ITGA9: variants seen among roughly 807,000 people sequenced by gnomAD.
ITGA9 encodes the protein integrin subunit alpha 9.
ITGA9 carries 56 observed loss-of-function variants against 127.8 expected under a neutral mutation model. The observed-to-expected ratio is 0.44, with a 90% CI of 0.35 to 0.55. The LOEUF is 0.55. Among genes scored for constraint, ITGA9 ranks in the 20% least tolerant of loss-of-function variants. The pLI, the probability that ITGA9 is intolerant of heterozygous loss-of-function variation, is 0.00. For synonymous variants in ITGA9, 508 were observed against 514.5 expected, an observed-to-expected ratio of 0.99 and a Z score of 0.17; for missense variants, 1,196 against 1,347.1, an observed-to-expected ratio of 0.89 and a Z score of 1.76.
intron 16 of ITGA9, among the ~76,000 whole-genome samples, chr3:37,637,646 GC>G (rs1700293226): frequency 6.6e-6 from 1 of 151,150 alleles, no homozygotes. Context: ...GATGGGGTGG[GC>G]CCCAGCAAAC....
intron 15 of ITGA9, among the ~76,000 whole-genome samples, chr3:37,606,561 C>T (rs1699970524): frequency 6.6e-6 from 1 of 152,220 alleles, no homozygotes; most frequent in Non-Finnish European, 1.5e-5. Flanking sequence ...CATGAGCTCA[C>T]AGACTCCCCT....
rs1409286335 is a variant in ITGA9 at position 37,821,360 on chromosome 3, G to GT, written c.*2372dup. ...AGGCCCCTGCTGTGTGTCAGGCACT[G>GT]TGCAAGGTGCTGGAGGTTCCCCAGA... On this transcript the variant is annotated 3_prime_UTR_variant, in exon 28 of 28. Coordinates refer to ENST00000264741, the MANE Select transcript of ITGA9 (RefSeq NM_002207.3). 1 of 152,192 alleles carries GT rather than the reference G, an allele frequency of 6.6e-6. No homozygotes were observed. The highest frequency in any genetic ancestry group is 1.5e-5 in the Non-Finnish European group (1 of 68,050). 9.4% of individuals were successfully genotyped at this position (152,192 alleles called of 1,614,324 possible).
chr3:37,566,263 G>A (rs1026743113), intron 15 of ITGA9, among the ~76,000 whole-genome samples: 5 of 152,186 alleles, frequency 3.3e-5, no homozygotes, highest in African/African-American at 1.2e-4. Context: ...AACTGAGACA[G>A]CTAGTAAGGG....
intron 1 of ITGA9, among the ~76,000 whole-genome samples, chr3:37,463,056 GT>G (rs140686235): frequency 0.011 from 1,705 of 152,272 alleles, 30 homozygotes; most frequent in African/African-American, 0.038. Flanking sequence ...TGTGGTCCTG[GT>G]TGGTGATGAG....
intron 8 of ITGA9, among the ~76,000 whole-genome samples, chr3:37,510,583 C>T (rs893103955): frequency 1.3e-5 from 2 of 152,110 alleles, no homozygotes; most frequent in African/African-American, 4.8e-5. Flanking sequence ...TGAGATTAAC[C>T]TTTGAGAACC....
intron 15 of ITGA9, among the ~76,000 whole-genome samples, chr3:37,615,019 G>C (rs932724400): frequency 1.3e-5 from 2 of 152,048 alleles, no homozygotes; most frequent in African/African-American, 4.8e-5. Flanking sequence ...AGGAGTGGTG[G>C]GAGAGGGCAT....
intron 16 of ITGA9, among the ~76,000 whole-genome samples, chr3:37,644,436 G>A (rs1394538086): frequency 1.3e-5 from 2 of 152,196 alleles, no homozygotes; most frequent in African/African-American, 4.8e-5. Flanking sequence ...GGAGGGGTGG[G>A]GAAGTTGGAG....
intron 1 of ITGA9, among the ~76,000 whole-genome samples, chr3:37,469,774 A>G (rs1311099553): frequency 6.6e-6 from 1 of 151,816 alleles, no homozygotes; most frequent in Non-Finnish European, 1.5e-5. Flanking sequence ...ATTTGTTTTC[A>G]TTGCTGCATA....
intron 16 of ITGA9, among the ~76,000 whole-genome samples, chr3:37,633,000 A>G (rs1005636329): frequency 2.6e-5 from 4 of 152,218 alleles, no homozygotes; most frequent in African/African-American, 7.2e-5. Flanking sequence ...AACAAAAATG[A>G]CAACCAGAAG....
chr3:37,482,402 T>C (rs1698566816), intron 4 of ITGA9, among the ~76,000 whole-genome samples: 1 of 152,234 alleles, frequency 6.6e-6, no homozygotes, highest in African/African-American at 2.4e-5. Flanking sequence ...CCCAGTCGAA[T>C]CTGAGCTTTA....
intron 25 of ITGA9, among the ~76,000 whole-genome samples, chr3:37,784,394 C>A (rs935628690): frequency 6.6e-6 from 1 of 152,152 alleles, no homozygotes; most frequent in African/African-American, 2.4e-5. Context: ...TCCCTTATAC[C>A]CCTGCCCCTT....
intron 12 of ITGA9, among the ~76,000 whole-genome samples, chr3:37,525,100 A>G (rs1480994511): frequency 6.6e-6 from 1 of 152,178 alleles, no homozygotes; most frequent in Non-Finnish European, 1.5e-5. Context: ...GGTTCTGTGA[A>G]GTAGTAGTGG....
chr3:37,609,711 C>T (rs1157179100), intron 15 of ITGA9, among the ~76,000 whole-genome samples: 1 of 152,192 alleles, frequency 6.6e-6, no homozygotes, highest in African/African-American at 2.4e-5. Context: ...CTGGTCTCTG[C>T]TCCATGATGC....
At chr3:37,769,628 C>G (rs1363927505) in intron 23 of ITGA9, among the ~76,000 whole-genome samples, 1 of 152,210 alleles carries the variant, frequency 6.6e-6, no homozygotes, top group Non-Finnish European at 1.5e-5. Flanking sequence ...CTCCTTGGCT[C>G]TCTAGACTCC....
chr3:37,529,393 C>A (rs773860462), intron 13 of ITGA9, among the ~76,000 whole-genome samples: 3 of 151,930 alleles, frequency 2.0e-5, no homozygotes, highest in Non-Finnish European at 4.4e-5. Flanking sequence ...TTGGAGGTGG[C>A]AGGGGGAGGT....
At chr3:37,527,576 T>G (rs1165734284) in intron 13 of ITGA9, among the ~76,000 whole-genome samples, 1 of 152,200 alleles carries the variant, frequency 6.6e-6, no homozygotes, top group Non-Finnish European at 1.5e-5. Flanking sequence ...GATTTTCACT[T>G]TCTTTATCAG....
intron 16 of ITGA9, among the ~76,000 whole-genome samples, chr3:37,648,200 G>A (rs1045519078): frequency 5.3e-4 from 81 of 151,994 alleles, no homozygotes; most frequent in African/African-American, 1.7e-3. Flanking sequence ...ATCTCTTGTC[G>A]TTTTTATAGT....
chr3:37,673,490 C>A (rs902007074), intron 17 of ITGA9, among the ~76,000 whole-genome samples: 1 of 152,178 alleles, frequency 6.6e-6, no homozygotes, highest in Non-Finnish European at 1.5e-5. Flanking sequence ...TAAGCAGCAT[C>A]TCTGGCAGTA....
At chr3:37,677,040 G>GTGA (rs1700688731) in intron 17 of ITGA9, among the ~76,000 whole-genome samples, 1 of 152,186 alleles carries the variant, frequency 6.6e-6, no homozygotes, top group African/African-American at 2.4e-5. Context: ...TCAGTCAACA[G>GTGA]TGATATCTTT....
Sources: allele counts gnomAD v4.1 joint callset (sites outside exome capture counted in the v4.1 genomes callset), GRCh38; gene constraint gnomAD v4.1.1; transcripts MANE v1.5; gene names NCBI Gene and HGNC (gene_info 2026-07-23, HGNC 2026-07-21).